Variants in IGF2 observed in about 807,000 individuals in gnomAD.
IGF2 encodes the protein insulin-like growth factor 2.
A neutral mutation model predicts 12.0 loss-of-function variants in IGF2; 2 were observed. The observed-to-expected ratio is 0.17, with a 90% CI of 0.07 to 0.52. The LOEUF (loss-of-function observed/expected upper bound fraction) is 0.52, where lower values mean the gene tolerates loss of function less well. Ranked by LOEUF, IGF2 falls within the 20% of genes least tolerant of loss-of-function variation. The pLI is 0.95. For synonymous variants in IGF2, 105 were observed against 110.1 expected (o/e 0.95, Z 0.29); for missense variants, 211 against 268.0 (o/e 0.79, Z 1.48).
At chr11:2,134,284 C>A (rs902980285) in intron 2 of IGF2, 1 of 396,500 alleles carries the variant, frequency 2.5e-6, no homozygotes, top group Non-Finnish European at 5.0e-6. Flanking sequence ...GGGCAGGTGC[C>A]ATCAGCCGGA....
In IGF2 at chr11:2,139,039, G is replaced by C. The variant is rs1859328351; in HGVS notation, c.-817C>G. On this transcript the variant is annotated 5_prime_UTR_variant, in exon 1 of 4. Coordinates refer to ENST00000416167, the MANE Select transcript of IGF2 (RefSeq NM_000612.6). ...GGGGAGCGGCCCGAGGCTGCGCGCCGGGGGGAGGGCTGGAGGGGGAGCGCG... is the reference window on the plus strand; with the variant it reads ...GGGGAGCGGCCCGAGGCTGCGCGCCCGGGGGAGGGCTGGAGGGGGAGCGCG... 2.4e-6 allele frequency: 2 copies of C among 833,068 alleles called. No homozygotes were observed. The highest frequency in any genetic ancestry group is 2.9e-6 in the Non-Finnish European group (2 of 700,718). 51.6% of individuals were successfully genotyped at this position (833,068 alleles called of 1,614,324 possible).
At chr11:2,134,294 A>C (rs1564895482) in intron 2 of IGF2, 5 of 379,622 alleles carry the variant, frequency 1.3e-5, no homozygotes, top group Non-Finnish European at 2.6e-5. Context: ...CATCAGCCGG[A>C]GGAGGGAGCA....
rs1261684380 is a variant in IGF2 at position 2,133,262 on chromosome 11, C to G, written c.307-39G>C. ...GGGCTGGTCAGCAGGTGCCTGCTCT[C>G]CACGCTCTTCCGCCTGAGCCGCCCG... is the stretch of plus-strand genomic sequence containing the variant. On this transcript the variant is annotated intron_variant, in intron 3 of 3. Transcript: ENST00000416167. The surrounding 1 kb of genome is among the most constrained non-coding windows in gnomAD (Gnocchi z 8.9). The G allele has an allele frequency of 7.3e-7, 1 of 1,376,296 alleles. No individual in the cohort carries two copies. The highest frequency in any genetic ancestry group is 9.9e-7 in the Non-Finnish European group (1 of 1,009,256). 85.3% of individuals were successfully genotyped at this position (1,376,296 alleles called of 1,614,324 possible).
chr11:2,138,682 G>C lies in IGF2; in HGVS notation c.-460C>G. 1 of 953,946 alleles carries C rather than the reference G, an allele frequency of 1.0e-6. No individual in the cohort carries two copies. The highest frequency in any genetic ancestry group is 1.2e-6 in the Non-Finnish European group (1 of 812,036). 59.1% of individuals were successfully genotyped at this position (953,946 alleles called of 1,614,324 possible). A position where few individuals can be genotyped will look rare whatever the true frequency, so the allele number is the denominator to read the frequency against. On this transcript the variant is annotated 5_prime_UTR_variant, in exon 1 of 4. Transcript: ENST00000416167. ...TGTAATTAATCCACTTTGGTTCGGC[G>C]AAGGCGAGAGGGCGGGCGTGAGGGG... is the stretch of plus-strand genomic sequence containing the variant.
chr11:2,140,018 C>G (rs893743701), upstream of IGF2: 2 of 999,586 alleles, frequency 2.0e-6, no homozygotes, highest in Admixed American at 7.0e-5. Context: ...CCGCCAGGTG[C>G]GGGACGCGCG....
rs1285120036 is a variant in IGF2 at position 2,138,477 on chromosome 11, GA to G, written c.-256del. On this transcript the variant is annotated 5_prime_UTR_variant, in exon 1 of 4. Coordinates refer to ENST00000416167, the MANE Select transcript of IGF2 (RefSeq NM_000612.6). ...GCCAGATGTTGTACTTTTCGGGGGG[GA>G]AAAGGTATCGGGAAATGAGGTCAGC... 7.1e-5 allele frequency: 64 copies of G among 904,686 alleles called. No homozygotes were observed. The highest frequency in any genetic ancestry group is 1.0e-4 in the South Asian group (2 of 19,374). 56.0% of individuals were successfully genotyped at this position (904,686 alleles called of 1,614,324 possible).
the IGF2 span, chr11:2,148,676 C>T: frequency 2.3e-5 from 4 of 177,730 alleles, no homozygotes; most frequent in Non-Finnish European, 4.7e-5. The surrounding 1 kb of genome is among the most constrained non-coding windows in gnomAD (Gnocchi z 4.3). Context: ...ATCTCGGGCC[C>T]CTGGCTCCTC....
At chr11:2,149,279 G>A in the IGF2 span, 1 of 1,613,656 alleles carries the variant, frequency 6.2e-7, no homozygotes, top group South Asian at 1.1e-5. Context: ...AGCAGGGGGT[G>A]CCCTGGCTGT....
the IGF2 span, chr11:2,146,574 C>T: frequency 2.7e-6 from 1 of 365,956 alleles, no homozygotes; most frequent in African/African-American, 2.1e-5. Flanking sequence ...GGAGAGGGCC[C>T]TGGGAGAGGG....
rs1345689191 is a variant in IGF2 at position 2,130,444 on chromosome 11, G to C, written c.*2543C>G. On this transcript the variant is annotated 3_prime_UTR_variant, in exon 4 of 4. Coordinates refer to ENST00000416167, the MANE Select transcript of IGF2 (RefSeq NM_000612.6). ...CAGATGAAAAACAAAATCCAATCAGGGCGATAAATGGCGGGGGGCAGGACG... is the reference window on the plus strand; with the variant it reads ...CAGATGAAAAACAAAATCCAATCAGCGCGATAAATGGCGGGGGGCAGGACG... 4.4e-6 allele frequency: 1 copy of C among 227,956 alleles called. No individual in the cohort carries two copies. Among genetic ancestry groups the C allele is most frequent in the Non-Finnish European group, 8.7e-6 (1 of 114,932 alleles). 14.1% of individuals were successfully genotyped at this position (227,956 alleles called of 1,614,324 possible). A position where few individuals can be genotyped will look rare whatever the true frequency, so the allele number is the denominator to read the frequency against.
At chr11:2,149,355 C>T in the IGF2 span, 37 of 1,607,546 alleles carry the variant, frequency 2.3e-5, no homozygotes, top group African/African-American at 1.3e-4. Flanking sequence ...GCTGGAGAAA[C>T]GAAGGGCACT....
chr11:2,146,269 G>GCCGTC, the IGF2 span: 17 of 534,034 alleles, frequency 3.2e-5, no homozygotes, highest in African/African-American at 3.1e-4. Context: ...TCACCGCTCC[G>GCCGTC]CCGTCCGTGG....
chr11:2,146,055 C>T (rs562591472), upstream of IGF2, among the ~76,000 whole-genome samples: 3 of 152,234 alleles, frequency 2.0e-5, no homozygotes, highest in South Asian at 6.2e-4. Flanking sequence ...TGAACCAGCA[C>T]CTCACCAGGG....
upstream of IGF2, among the ~76,000 whole-genome samples, chr11:2,144,088 A>AT (rs5789244): frequency 0.045 from 6,824 of 150,626 alleles, 178 homozygotes; most frequent in Non-Finnish European, 0.057. Context: ...TTTTGCTTTT[A>AT]TTTTTTTTTT....
intron 2 of IGF2, chr11:2,134,094 C>T (rs1275864184): frequency 4.1e-6 from 2 of 486,980 alleles, no homozygotes; most frequent in South Asian, 3.3e-5. Context: ...GAGGGGCCCA[C>T]ACCACCCCTG....
chr11:2,148,828 T>G, the IGF2 span: 2 of 444,788 alleles, frequency 4.5e-6, no homozygotes, highest in Non-Finnish European at 8.2e-6. This position sits in a 1 kb window ranked among gnomAD's most constrained non-coding sequence, Gnocchi z 4.3. Context: ...CCTCCTCCCC[T>G]ACCCCTCCCA....
rs1325793432 is a variant in IGF2 at position 2,132,823 on chromosome 11, G to C, written c.*164C>G. On this transcript the variant is annotated 3_prime_UTR_variant, in exon 4 of 4. Coordinates refer to ENST00000416167, the MANE Select transcript of IGF2 (RefSeq NM_000612.6). Reference sequence around the variant, plus strand: ...TCAGCCCGATGGAGGGGGCCGAGGAGAGTAGCCTGTTTCGGGGAGGCGGGG... The same window carrying C: ...TCAGCCCGATGGAGGGGGCCGAGGACAGTAGCCTGTTTCGGGGAGGCGGGG... The C allele has an allele frequency of 1.7e-6, 1 of 595,916 alleles. No individual in the cohort carries two copies. Among genetic ancestry groups the C allele is most frequent in the African/African-American group, 1.9e-5 (1 of 52,942 alleles). The allele number at this position is 595,916 out of a possible 1,614,324, so 36.9% of individuals were successfully genotyped here.
rs1020699044 is a variant in IGF2, at chr11:2,129,865, C to T, written c.*3122G>A. On this transcript the variant is annotated 3_prime_UTR_variant, in exon 4 of 4. Transcript: ENST00000416167. This position sits in a 1 kb window ranked among gnomAD's most constrained non-coding sequence, Gnocchi z 8.1. ...GAGTCCCTGCCGCAGCCCTAGGCGCCGCGGTGGTGGCTGCTATGGCATCAC... is the reference window on the plus strand; with the variant it reads ...GAGTCCCTGCCGCAGCCCTAGGCGCTGCGGTGGTGGCTGCTATGGCATCAC... 4.7e-5 allele frequency: 11 copies of T among 232,186 alleles called. No individual in the cohort carries two copies. The highest frequency in any genetic ancestry group is 2.2e-4 in the African/African-American group (10 of 45,372). The allele number at this position is 232,186 out of a possible 1,614,324, so 14.4% of individuals were successfully genotyped here. A position where few individuals can be genotyped will look rare whatever the true frequency, so the allele number is the denominator to read the frequency against.
chr11:2,138,655 C>G lies in IGF2; in HGVS notation c.-433G>C. ...GAACAGCACGGAGAGAAACAGAAAG[C>G]GTGTAATTAATCCACTTTGGTTCGG... On this transcript the variant is annotated 5_prime_UTR_variant, in exon 1 of 4. Transcript: ENST00000416167. The G allele has an allele frequency of 1.0e-6, 1 of 970,110 alleles. No individual in the cohort carries two copies. The highest frequency in any genetic ancestry group is 1.2e-6 in the Non-Finnish European group (1 of 827,114). The allele number at this position is 970,110 out of a possible 1,614,324, so 60.1% of individuals were successfully genotyped here. A position where few individuals can be genotyped will look rare whatever the true frequency, so the allele number is the denominator to read the frequency against.
Sources: gnomAD v4.1 joint callset for allele counts (sites outside exome capture counted in the v4.1 genomes callset) on GRCh38, gnomAD v4.1.1 for gene constraint, Gnocchi (gnomAD v3.1) non-coding constraint, MANE v1.5 for transcripts, NCBI Gene and HGNC (gene_info 2026-07-23, HGNC 2026-07-21) for gene names.